The following ATG7 variants were observed in gnomAD, a reference collection of about 807,000 sequenced individuals.
ATG7 encodes the protein ubiquitin-like modifier-activating enzyme ATG7.
In ATG7, 70 loss-of-function variants were observed where a neutral mutation model predicts 82.4. The observed-to-expected ratio is 0.85, with a 90% CI of 0.70 to 1.04. ATG7 has a LOEUF of 1.04. Among genes scored for constraint, ATG7 ranks in the 50% least tolerant of loss-of-function variants. The probability of loss-of-function intolerance (pLI) is 0.00; values close to 1 mark genes in which losing one functional copy is unlikely to be tolerated. For missense variants in ATG7, 792 were observed against 864.3 expected, an observed-to-expected ratio of 0.92 and a Z score of 1.05; for synonymous variants, 287 against 313.0, an observed-to-expected ratio of 0.92 and a Z score of 0.88.
At chr3:11,440,906 A>T (rs980159412) in intron 20 of ATG7, among the ~76,000 whole-genome samples, 10 of 138,078 alleles carry the variant, frequency 7.2e-5, no homozygotes, top group African/African-American at 2.4e-4. Context: ...CTGGTCTCAA[A>T]CTCCTGACCT....
chr3:11,566,207 CTG>C, the ATG7 span, among the ~76,000 whole-genome samples: 2 of 152,072 alleles, frequency 1.3e-5, no homozygotes, highest in African/African-American at 4.8e-5. Context: ...TACACACACA[CTG>C]AATGTTACAC....
chr3:11,436,754 G>A (rs2083403982), intron 20 of ATG7, among the ~76,000 whole-genome samples: 1 of 152,200 alleles, frequency 6.6e-6, no homozygotes, highest in Non-Finnish European at 1.5e-5. Context: ...ACTAATACAT[G>A]TTATAGTATG....
chr3:11,294,202 T>C (rs1945478322), intron 3 of ATG7, among the ~76,000 whole-genome samples: 1 of 152,068 alleles, frequency 6.6e-6, no homozygotes, highest in African/African-American at 2.4e-5. Context: ...TCTACACGTG[T>C]GCCTCAAATC....
At chr3:11,295,741 C>G (rs966053806) in intron 3 of ATG7, among the ~76,000 whole-genome samples, 4 of 151,498 alleles carry the variant, frequency 2.6e-5, no homozygotes, top group African/African-American at 9.7e-5. Flanking sequence ...CTACAGCTTT[C>G]TTTGTTTTAC....
chr3:11,528,223 C>G (rs1294592315), intron 20 of ATG7, among the ~76,000 whole-genome samples: 1 of 152,180 alleles, frequency 6.6e-6, no homozygotes, highest in African/African-American at 2.4e-5. Flanking sequence ...ACAATATTGA[C>G]TTCATTCAAC....
chr3:11,298,044 T>C (rs914199379), intron 3 of ATG7, among the ~76,000 whole-genome samples: 2 of 152,160 alleles, frequency 1.3e-5, no homozygotes, highest in Non-Finnish European at 2.9e-5. Context: ...CTGGGCGTGG[T>C]GGCATGCGCC....
intron 20 of ATG7, among the ~76,000 whole-genome samples, chr3:11,505,244 C>T (rs375943082): frequency 2.0e-5 from 3 of 151,942 alleles, no homozygotes; most frequent in South Asian, 2.1e-4. Context: ...TTTTAAAGGA[C>T]GAGTAGGAGT....
intron 19 of ATG7, among the ~76,000 whole-genome samples, chr3:11,406,569 A>G (rs1350883924): frequency 6.6e-6 from 1 of 152,154 alleles, no homozygotes; most frequent in African/African-American, 2.4e-5. Flanking sequence ...CGGCCTCTGT[A>G]TTAGTCCATT....
At chr3:11,332,416 T>C (rs1046358503) in intron 10 of ATG7, among the ~76,000 whole-genome samples, 3 of 152,220 alleles carry the variant, frequency 2.0e-5, no homozygotes, top group East Asian at 3.8e-4. Context: ...TTCTTTATAC[T>C]TGGGATTTGT....
chr3:11,398,780 G>A (rs2152890447), intron 19 of ATG7, among the ~76,000 whole-genome samples: 1 of 152,298 alleles, frequency 6.6e-6, no homozygotes, highest in South Asian at 2.1e-4. Flanking sequence ...AAGCCCGGGA[G>A]TTTGAGCTTA....
intron 19 of ATG7, among the ~76,000 whole-genome samples, chr3:11,394,501 G>A (rs930444516): frequency 2.0e-5 from 3 of 152,166 alleles, no homozygotes; most frequent in African/African-American, 7.2e-5. Flanking sequence ...ATGGCCATTT[G>A]CTGATCAGGA....
chr3:11,403,226 A>G (rs1311029172), intron 19 of ATG7, among the ~76,000 whole-genome samples: 2 of 152,212 alleles, frequency 1.3e-5, no homozygotes, highest in Non-Finnish European at 2.9e-5. Flanking sequence ...ACGTGCACCT[A>G]TCAATCTGAG....
intron 3 of ATG7, among the ~76,000 whole-genome samples, chr3:11,283,664 T>C (rs1372648673): frequency 6.6e-6 from 1 of 152,078 alleles, no homozygotes; most frequent in Non-Finnish European, 1.5e-5. Context: ...GTGGTGGACA[T>C]GGTGGCTCAC....
chr3:11,542,067 C>T (rs1019814451), intron 20 of ATG7, among the ~76,000 whole-genome samples: 3 of 152,234 alleles, frequency 2.0e-5, no homozygotes, highest in Non-Finnish European at 4.4e-5. Flanking sequence ...AGGGATGCAG[C>T]GGAGAGGCTG....
the ATG7 span, among the ~76,000 whole-genome samples, chr3:11,570,194 C>T: frequency 1.8e-4 from 28 of 152,172 alleles, no homozygotes; most frequent in Non-Finnish European, 2.5e-4. Flanking sequence ...CCACAGACAC[C>T]GGCCCTGTGG....
chr3:11,311,700 A>G (rs1948701177), intron 7 of ATG7, among the ~76,000 whole-genome samples: 1 of 152,142 alleles, frequency 6.6e-6, no homozygotes, highest in African/African-American at 2.4e-5. Context: ...AGTACAAAGA[A>G]GAGAAAATAA....
chr3:11,363,075 C>A, intron 17 of ATG7, 147 bp downstream of exon 17: 1 of 696,480 alleles, frequency 1.4e-6, no homozygotes, highest in Non-Finnish European at 2.4e-6. Flanking sequence ...AAAAGCAGGT[C>A]TGGTTCTTTG....
chr3:11,377,082 G>T (rs1040486540), intron 18 of ATG7, among the ~76,000 whole-genome samples: 5 of 152,208 alleles, frequency 3.3e-5, no homozygotes, highest in African/African-American at 1.2e-4. Context: ...GGTAAAAAAT[G>T]ACAGGCCTCA....
Position 11,360,673 on chromosome 3 carries a change from TC to T in ATG7, c.1574del (p.Pro525GlnfsTer50). 6.2e-7 allele frequency: 1 copy of T among 1,614,164 alleles called. No homozygotes were observed. Among genetic ancestry groups the T allele is most frequent in the Non-Finnish European group, 8.5e-7 (1 of 1,180,020 alleles). On this transcript the variant is annotated frameshift_variant, in exon 16 of 21. Coordinates refer to ENST00000693202, the MANE Select transcript of ATG7 (RefSeq NM_001349232.2). LOFTEE classifies it high-confidence loss of function. ...AGCAGCAAGGAGCTGGGGACTTGTGTCCAAACCACCCTGTGGCATCTGCTGA... is the reference window on the plus strand; with the variant it reads ...AGCAGCAAGGAGCTGGGGACTTGTGTCAAACCACCCTGTGGCATCTGCTGA... ...PKQQGAGDLCPNHPVASADLL... is the reference protein window; with the variant it reads ...PKQQGAGDLCXNHPVASADLL...
Sources: gnomAD v4.1 joint callset for allele counts (sites outside exome capture counted in the v4.1 genomes callset) on GRCh38, gnomAD v4.1.1 for gene constraint, MANE v1.5 for transcripts, NCBI Gene and HGNC (gene_info 2026-07-23, HGNC 2026-07-21) for gene names.